The following LRMDA variants were observed in gnomAD, a reference collection of about 807,000 sequenced individuals.
The protein encoded by LRMDA is leucine rich melanocyte differentiation associated.
LRMDA carries 18 observed loss-of-function variants against 29.8 expected under a neutral mutation model. The ratio of observed to expected loss-of-function variants is 0.60; its 90% CI spans 0.42 to 0.90. The LOEUF is 0.90. Among genes scored for constraint, LRMDA ranks in the 40% least tolerant of loss-of-function variants. The pLI is 0.00. For missense variants in LRMDA, 273 were observed against 273.9 expected (o/e 1.00, Z 0.02); for synonymous variants, 125 against 109.4 (o/e 1.14, Z -0.89).
At position 75,831,480 on chromosome 10, in the gene LRMDA, C is replaced by G. The variant is rs541446477; in HGVS notation, c.132-204528C>G. Among the ~76,000 whole-genome samples, 5 of 152,348 alleles carry G rather than the reference C, an allele frequency of 3.3e-5. No homozygotes were observed. The South Asian group carries it at 1.0e-3, about 32-fold the overall frequency. On this transcript the variant is annotated intron_variant, in intron 2 of 6. Transcript: ENST00000611255. Reference sequence around the variant, plus strand: ...CCCTCTGGCTTTGCAGGGTATAGCGCCGCTCCTGGCTGCTTTCATGGGATG... The same window carrying G: ...CCCTCTGGCTTTGCAGGGTATAGCGGCGCTCCTGGCTGCTTTCATGGGATG...
Position 75,768,837 on chromosome 10 carries a change from T to C in LRMDA, c.132-267171T>C, listed in dbSNP as rs191993857. Among the ~76,000 whole-genome samples the C allele has an allele frequency of 2.0e-3, 300 of 152,282 alleles. 1 individual carries two copies. Among genetic ancestry groups the C allele is most frequent in the African/African-American group, 7.0e-3 (292 of 41,560 alleles). On this transcript the variant is annotated intron_variant, in intron 2 of 6. Transcript: ENST00000611255. The stretch of plus-strand genomic sequence containing the variant: ...AGAGAGAGAATTGGAACAAATATAA[T>C]TGAGGTGCAAAGTAAAAATGCTTTA...
chr10:75,949,019 A>ATG (rs897402495), intron 2 of LRMDA, among the ~76,000 whole-genome samples: 3 of 151,642 alleles, frequency 2.0e-5, no homozygotes, highest in Non-Finnish European at 4.4e-5. Context: ...TGTGTGTAAA[A>ATG]TGTGTGTGTG....
chr10:76,315,073 C>G (rs1169236060), intron 5 of LRMDA, among the ~76,000 whole-genome samples: 1 of 152,224 alleles, frequency 6.6e-6, no homozygotes, highest in Non-Finnish European at 1.5e-5. Context: ...GCTATGGAAT[C>G]GAGCTGTGTT....
At chr10:75,690,215 T>C (rs553833436) in intron 2 of LRMDA, among the ~76,000 whole-genome samples, 2 of 152,374 alleles carry the variant, frequency 1.3e-5, no homozygotes, top group Non-Finnish European at 2.9e-5. Flanking sequence ...GATCTACTTA[T>C]ATCCTCCTTA....
chr10:75,670,100 T>C (rs1841872602), intron 2 of LRMDA, among the ~76,000 whole-genome samples: 2 of 152,252 alleles, frequency 1.3e-5, no homozygotes, highest in South Asian at 2.1e-4. Flanking sequence ...GTTGGTGTGA[T>C]AGAAGAAGAC....
chr10:75,589,050 G>C (rs1483620097), intron 2 of LRMDA, among the ~76,000 whole-genome samples: 2 of 152,138 alleles, frequency 1.3e-5, no homozygotes, highest in Non-Finnish European at 2.9e-5. Flanking sequence ...TTCACTATTA[G>C]AGCTGTAGTG....
chr10:75,747,687 G>A (rs889072126), intron 2 of LRMDA, among the ~76,000 whole-genome samples: 18 of 152,186 alleles, frequency 1.2e-4, no homozygotes, highest in African/African-American at 4.3e-4. Flanking sequence ...GGGTCATAGG[G>A]TTCTAAAATT....
At chr10:76,385,852 A>G (rs1841653106) in intron 6 of LRMDA, among the ~76,000 whole-genome samples, 1 of 152,228 alleles carries the variant, frequency 6.6e-6, no homozygotes, top group Non-Finnish European at 1.5e-5. Context: ...ATTGTTTGGC[A>G]GGAACTTTGT....
chr10:75,811,109 G>A (rs778086172), intron 2 of LRMDA, among the ~76,000 whole-genome samples: 1 of 152,088 alleles, frequency 6.6e-6, no homozygotes, highest in Non-Finnish European at 1.5e-5. Flanking sequence ...TTCCTTATTG[G>A]ATAAATACAT....
intron 2 of LRMDA, among the ~76,000 whole-genome samples, chr10:75,825,864 G>T (rs145987446): frequency 4.1e-4 from 63 of 152,296 alleles, no homozygotes; most frequent in African/African-American, 1.5e-3. Flanking sequence ...AGGTTACCCA[G>T]TGACCCCCTT....
intron 2 of LRMDA, among the ~76,000 whole-genome samples, chr10:75,603,054 T>C (rs1840907705): frequency 6.6e-6 from 1 of 152,228 alleles, no homozygotes; most frequent in African/African-American, 2.4e-5. Context: ...GATGGATAGT[T>C]AGGTTTCAAC....
intron 2 of LRMDA, among the ~76,000 whole-genome samples, chr10:75,828,994 G>A (rs1405060168): frequency 6.6e-6 from 1 of 152,168 alleles, no homozygotes; most frequent in Non-Finnish European, 1.5e-5. Context: ...AGGTGCTGCA[G>A]CCAGTCAAGG....
At chr10:75,493,693 T>G (rs532578724) in intron 2 of LRMDA, among the ~76,000 whole-genome samples, 1 of 152,320 alleles carries the variant, frequency 6.6e-6, no homozygotes, top group South Asian at 2.1e-4. Flanking sequence ...GCCTTGGAAT[T>G]ACATGTGTGG....
chr10:75,769,771 G>A (rs901999596), intron 2 of LRMDA, among the ~76,000 whole-genome samples: 2 of 152,142 alleles, frequency 1.3e-5, no homozygotes, highest in African/African-American at 4.8e-5. Context: ...CTTGTCTTGT[G>A]TAGCCGCTTG....
chr10:76,402,456 A>G (rs1038157881), intron 6 of LRMDA: 2 of 152,174 alleles, frequency 1.3e-5, no homozygotes, highest in Non-Finnish European at 2.9e-5. Flanking sequence ...GGATCAAGCA[A>G]TCCTCCCACT....
At chr10:76,237,705 C>T (rs531026964) in intron 5 of LRMDA, among the ~76,000 whole-genome samples, 217 of 151,216 alleles carry the variant, frequency 1.4e-3, no homozygotes, top group African/African-American at 5.1e-3. Context: ...TCCCAGAAAG[C>T]GCAGCCATAG....
chr10:76,527,266 G>A (rs1411514261), intron 6 of LRMDA, among the ~76,000 whole-genome samples: 1 of 152,026 alleles, frequency 6.6e-6, no homozygotes, highest in African/African-American at 2.4e-5. Context: ...CTGCCTCTTT[G>A]ATAATTAAGT....
At chr10:76,518,665 A>C (rs74863070) in intron 6 of LRMDA, among the ~76,000 whole-genome samples, 1,785 of 152,272 alleles carry the variant, frequency 0.012, 24 homozygotes, top group African/African-American at 0.039. Context: ...TCTTAGAATT[A>C]ATGAAGTATG....
intron 6 of LRMDA, among the ~76,000 whole-genome samples, chr10:76,476,576 A>C (rs1273126491): frequency 6.6e-6 from 1 of 152,170 alleles, no homozygotes; most frequent in Non-Finnish European, 1.5e-5. Flanking sequence ...CTGATACCAA[A>C]GCCTGGCAGA....
Sources: gnomAD v4.1 joint callset for allele counts (sites outside exome capture counted in the v4.1 genomes callset) on GRCh38, gnomAD v4.1.1 for gene constraint, MANE v1.5 for transcripts, NCBI Gene and HGNC (gene_info 2026-07-23, HGNC 2026-07-21) for gene names.